Variants in CEP112 observed in about 807,000 individuals in gnomAD.
The protein encoded by CEP112 is centrosomal protein 112.
In CEP112, 127 loss-of-function variants were observed where a neutral mutation model predicts 153.0. That is an observed-to-expected ratio of 0.83 (90% CI 0.72 to 0.96). The LOEUF is 0.96. CEP112 is among the 40% of genes least tolerant of loss of function. The probability of loss-of-function intolerance (pLI) is 0.00; values close to 1 mark genes in which losing one functional copy is unlikely to be tolerated. For synonymous variants in CEP112, 358 were observed against 374.4 expected (o/e 0.96, Z 0.51); for missense variants, 1,089 against 1,101.2 (o/e 0.99, Z 0.16).
At chr17:65,877,474 C>T (rs1385458497) in intron 20 of CEP112, among the ~76,000 whole-genome samples, 1 of 152,180 alleles carries the variant, frequency 6.6e-6, no homozygotes, top group African/African-American at 2.4e-5. Context: ...TAGTAGCTTG[C>T]TCAAGGAGGC....
At chr17:66,145,800 A>G (rs2070893209) in intron 4 of CEP112, among the ~76,000 whole-genome samples, 1 of 152,040 alleles carries the variant, frequency 6.6e-6, no homozygotes. Flanking sequence ...TTCATTCCTC[A>G]TGGATAATGA....
chr17:65,944,387 GC>G (rs1208546794), intron 18 of CEP112, among the ~76,000 whole-genome samples: 1 of 152,014 alleles, frequency 6.6e-6, no homozygotes, highest in Non-Finnish European at 1.5e-5. Flanking sequence ...TCAAAGCACT[GC>G]CCCTTACTTC....
chr17:65,681,700 A>ATC (rs1377729388), intron 24 of CEP112, among the ~76,000 whole-genome samples: 1 of 134,650 alleles, frequency 7.4e-6, no homozygotes, highest in Admixed American at 8.1e-5. Context: ...TTGAGACAGG[A>ATC]TCTCTCTCTG....
chr17:66,095,594 T>C (rs982745702), intron 8 of CEP112, among the ~76,000 whole-genome samples: 4 of 152,200 alleles, frequency 2.6e-5, no homozygotes, highest in Admixed American at 1.3e-4. Flanking sequence ...AGATCTATTG[T>C]ACAGCATAGT....
intron 21 of CEP112, among the ~76,000 whole-genome samples, chr17:65,808,897 G>GAATAGATT (rs1473747245): frequency 6.6e-6 from 1 of 152,154 alleles, no homozygotes. Context: ...ATACAATCAT[G>GAATAGATT]AATAGATTAA....
intron 24 of CEP112, among the ~76,000 whole-genome samples, chr17:65,669,935 A>C (rs2046899167): frequency 6.6e-6 from 1 of 151,454 alleles, no homozygotes; most frequent in Non-Finnish European, 1.5e-5. Flanking sequence ...GAAAAATAGA[A>C]TTATGCTGGG....
chr17:65,727,073 TCCACAGAGG>T (rs1363651911), intron 23 of CEP112, among the ~76,000 whole-genome samples: 1 of 152,188 alleles, frequency 6.6e-6, no homozygotes, highest in African/African-American at 2.4e-5. Flanking sequence ...CATACTGCCC[TCCACAGAGG>T]CCACACTGGT....
chr17:66,053,111 G>GAAAAA (rs36123860), intron 12 of CEP112, among the ~76,000 whole-genome samples: 1 of 144,348 alleles, frequency 6.9e-6, no homozygotes. Flanking sequence ...TGTCTCAAAG[G>GAAAAA]AAAAAAAAAA....
intron 12 of CEP112, among the ~76,000 whole-genome samples, chr17:66,032,352 GAAA>G (rs56144670): frequency 0.51 from 75,281 of 146,522 alleles, 19,961 homozygotes; most frequent in African/African-American, 0.58. Context: ...GAAACCAAGT[GAAA>G]AAAAAAAAAA....
intron 23 of CEP112, among the ~76,000 whole-genome samples, chr17:65,696,013 C>A (rs1350107079): frequency 6.6e-6 from 1 of 152,214 alleles, no homozygotes; most frequent in Non-Finnish European, 1.5e-5. Context: ...ACTTGCAAAT[C>A]AAGACAGAAT....
rs956284100 is a variant in CEP112, at chr17:66,095,496, GT to G, written c.768+754del. On this transcript the variant is annotated intron_variant, in intron 8 of 26. Coordinates refer to ENST00000535342, the MANE Select transcript of CEP112 (RefSeq NM_001199165.4). ...AACTCACAAAAGTAGAGAAATGGTG[GT>G]TATGAGGCCAGGCGACAAGGAGTGG... Among the ~76,000 whole-genome samples, 26 of 152,112 alleles carry G rather than the reference GT, an allele frequency of 1.7e-4. 1 individual carries two copies. Among genetic ancestry groups the G allele is most frequent in the African/African-American group, 6.3e-4 (26 of 41,434 alleles).
In CEP112 at chr17:65,788,259, C is replaced by T. The variant is rs538707436; in HGVS notation, c.2395-37535G>A. ...CCTTGCATTCTTGCATTCAGTCCAG[C>T]TTGGTTGAAATGTATAAACATTTTT... On this transcript the variant is annotated intron_variant, in intron 21 of 26. Transcript: ENST00000535342. 7.9e-5 allele frequency among the ~76,000 whole-genome samples: 12 copies of T among 152,252 alleles called. No individual in the cohort carries two copies. The East Asian group carries it at 1.4e-3, about 17-fold the overall frequency.
chr17:65,681,808 G>C (rs1180708870), intron 24 of CEP112, among the ~76,000 whole-genome samples: 1 of 150,390 alleles, frequency 6.6e-6, no homozygotes, highest in Non-Finnish European at 1.5e-5. Context: ...TGAGTATCTA[G>C]GACTACAGGT....
intron 12 of CEP112, among the ~76,000 whole-genome samples, chr17:66,040,376 T>C (rs2065916870): frequency 6.6e-6 from 1 of 152,190 alleles, no homozygotes; most frequent in Non-Finnish European, 1.5e-5. Context: ...TACATTGCTC[T>C]TTTTTATTGA....
At chr17:65,942,068 G>A (rs1599093395) in intron 18 of CEP112, among the ~76,000 whole-genome samples, 1 of 152,158 alleles carries the variant, frequency 6.6e-6, no homozygotes, top group Non-Finnish European at 1.5e-5. Context: ...CAGGGCCATG[G>A]ACTGGTACTG....
intron 16 of CEP112, among the ~76,000 whole-genome samples, chr17:66,021,077 G>A (rs931490680): frequency 1.3e-5 from 2 of 152,090 alleles, no homozygotes; most frequent in African/African-American, 4.8e-5. Context: ...AGGCCATGGG[G>A]AACACCCTAT....
chr17:65,697,845 G>GT (rs748862269), intron 23 of CEP112, among the ~76,000 whole-genome samples: 18 of 152,214 alleles, frequency 1.2e-4, no homozygotes, highest in Non-Finnish European at 2.4e-4. Flanking sequence ...CATAAAAAAA[G>GT]TTTTATTAGT....
At chr17:66,162,350 T>C (rs72837161) in intron 4 of CEP112, among the ~76,000 whole-genome samples, 42,925 of 152,100 alleles carry the variant, frequency 0.28, 6,305 homozygotes, top group Non-Finnish European at 0.32. Flanking sequence ...TGGAGAGCCA[T>C]GGGAACTTTC....
chr17:65,808,246 T>C (rs1407570799), intron 21 of CEP112, among the ~76,000 whole-genome samples: 3 of 152,220 alleles, frequency 2.0e-5, no homozygotes, highest in Non-Finnish European at 2.9e-5. Flanking sequence ...AATGGCAGCA[T>C]TTACCCAATG....
Sources: gnomAD v4.1 joint callset for allele counts (sites outside exome capture counted in the v4.1 genomes callset) on GRCh38, gnomAD v4.1.1 for gene constraint, MANE v1.5 for transcripts, NCBI Gene and HGNC (gene_info 2026-07-23, HGNC 2026-07-21) for gene names.